RORB: variants seen among roughly 807,000 people sequenced by gnomAD.
The protein encoded by RORB is nuclear receptor ROR-beta.
In RORB, 6 loss-of-function variants were observed where a neutral mutation model predicts 59.1. That is an observed-to-expected ratio of 0.10 (90% CI 0.06 to 0.20). RORB has a LOEUF of 0.20. Among genes scored for constraint, RORB ranks in the 10% least tolerant of loss-of-function variants. The probability of loss-of-function intolerance (pLI) is 1.00; values close to 1 mark genes in which losing one functional copy is unlikely to be tolerated. For synonymous variants in RORB, 215 were observed against 204.5 expected, an observed-to-expected ratio of 1.05 and a Z score of -0.44; for missense variants, 320 against 560.5, an observed-to-expected ratio of 0.57 and a Z score of 4.33.
chr9:74,649,027 G>A lies in RORB; in HGVS notation c.637+6212G>A, dbSNP rs148422495. Among the ~76,000 whole-genome samples the A allele has an allele frequency of 6.4e-3, 966 of 150,954 alleles. 7 individuals are homozygous for A. The highest frequency in any genetic ancestry group is 0.018 in the East Asian group (94 of 5,094). ...CACCCAGGCTGGAGTGCAGTGGTGC[G>A]ATCTTGGCTCACTGCAACCTCCACC... On this transcript the variant is annotated intron_variant, in intron 4 of 9. Coordinates refer to ENST00000376896, the MANE Select transcript of RORB (RefSeq NM_006914.4).
chr9:74,630,836 G>T (rs7038043), intron 2 of RORB, among the ~76,000 whole-genome samples: 1 of 26,562 alleles, frequency 3.8e-5, no homozygotes, highest in East Asian at 5.5e-3. Context: ...GAAAAAAAAA[G>T]AAAAGAAAAG....
intron 1 of RORB, among the ~76,000 whole-genome samples, chr9:74,588,236 G>T (rs1297007752): frequency 6.6e-6 from 1 of 152,144 alleles, no homozygotes; most frequent in East Asian, 1.9e-4. Context: ...CTCTCAGTGA[G>T]ACTCAATTTC....
intron 9 of RORB, among the ~76,000 whole-genome samples, chr9:74,677,639 A>G (rs1162724273): frequency 6.6e-6 from 1 of 152,134 alleles, no homozygotes; most frequent in African/African-American, 2.4e-5. Context: ...TGCCTACTCC[A>G]CACACATTCT....
intron 4 of RORB, among the ~76,000 whole-genome samples, chr9:74,656,219 G>A (rs1323937932): frequency 1.3e-5 from 2 of 152,060 alleles, no homozygotes; most frequent in African/African-American, 2.4e-5. Context: ...AGCGTTGGTT[G>A]AGCACCTACT....
At chr9:74,590,941 G>A (rs913420604) in intron 1 of RORB, among the ~76,000 whole-genome samples, 3 of 152,116 alleles carry the variant, frequency 2.0e-5, no homozygotes, top group African/African-American at 7.2e-5. Context: ...GACTACAGGC[G>A]CATGCCACCA....
At chr9:74,573,464 T>TAA (rs5898361) in intron 1 of RORB, among the ~76,000 whole-genome samples, 36 of 131,826 alleles carry the variant, frequency 2.7e-4, no homozygotes, top group African/African-American at 7.0e-4. Context: ...CTTTTGTTAT[T>TAA]AAAAAAAAAA....
intron 1 of RORB, among the ~76,000 whole-genome samples, chr9:74,500,181 C>T (rs1825787124): frequency 6.6e-6 from 1 of 152,184 alleles, no homozygotes; most frequent in Admixed American, 6.5e-5. Flanking sequence ...AGGCAGCTCT[C>T]AGGCGGCCTT....
intron 4 of RORB, 61 bp downstream of exon 4, chr9:74,642,876 C>A: frequency 7.6e-7 from 1 of 1,322,936 alleles, no homozygotes; most frequent in South Asian, 1.5e-5. Flanking sequence ...TTACCTTGGT[C>A]CTATTTAGTA....
chr9:74,670,565 T>C (rs1014137549), intron 8 of RORB, among the ~76,000 whole-genome samples: 9 of 152,224 alleles, frequency 5.9e-5, no homozygotes, highest in African/African-American at 2.2e-4. Flanking sequence ...TGTTTTACTC[T>C]ACCTAGTGGG....
intron 1 of RORB, among the ~76,000 whole-genome samples, chr9:74,610,110 C>A (rs1823211803): frequency 6.6e-6 from 1 of 152,196 alleles, no homozygotes; most frequent in African/African-American, 2.4e-5. Flanking sequence ...TTCTCAGCTG[C>A]TTTTAATCTC....
chr9:74,592,249 G>T (rs1235993387), intron 1 of RORB, among the ~76,000 whole-genome samples: 1 of 152,124 alleles, frequency 6.6e-6, no homozygotes, highest in African/African-American at 2.4e-5. Context: ...GTAGTACCTA[G>T]AGTGGAAGGA....
At chr9:74,534,765 A>T (rs928371801) in intron 1 of RORB, among the ~76,000 whole-genome samples, 7 of 152,068 alleles carry the variant, frequency 4.6e-5, no homozygotes, top group Admixed American at 4.6e-4. Context: ...GAATATTTTG[A>T]CATAATGATC....
chr9:74,684,307 T>C (rs1587423708), intron 9 of RORB, among the ~76,000 whole-genome samples: 1 of 152,332 alleles, frequency 6.6e-6, no homozygotes, highest in African/African-American at 2.4e-5. Flanking sequence ...TGTTATTGAA[T>C]AGGGTAGGGA....
At chr9:74,543,164 T>C (rs1184223312) in intron 1 of RORB, among the ~76,000 whole-genome samples, 1 of 152,116 alleles carries the variant, frequency 6.6e-6, no homozygotes, top group Non-Finnish European at 1.5e-5. Flanking sequence ...ACTCAATCAT[T>C]CACTGGTTTT....
chr9:74,551,172 G>A (rs1467419718), intron 1 of RORB, among the ~76,000 whole-genome samples: 1 of 152,064 alleles, frequency 6.6e-6, no homozygotes, highest in Non-Finnish European at 1.5e-5. Flanking sequence ...TGTCTGAGGG[G>A]GGATATATTC....
intron 1 of RORB, among the ~76,000 whole-genome samples, chr9:74,608,611 A>G (rs1001543657): frequency 1.3e-5 from 2 of 151,550 alleles, no homozygotes; most frequent in Non-Finnish European, 2.9e-5. Context: ...CTATTCTGTT[A>G]TCTGTGTTAT....
At chr9:74,607,737 C>G (rs1823170581) in intron 1 of RORB, among the ~76,000 whole-genome samples, 1 of 152,188 alleles carries the variant, frequency 6.6e-6, no homozygotes, top group Admixed American at 6.5e-5. Flanking sequence ...GGACAAATTA[C>G]TGACTAGAGC....
chr9:74,636,056 A>ATT (rs11461472), intron 3 of RORB, among the ~76,000 whole-genome samples: 26 of 150,498 alleles, frequency 1.7e-4, no homozygotes, highest in South Asian at 6.3e-4. Flanking sequence ...CTATTAACTG[A>ATT]TTTTTTTTTG....
intron 1 of RORB, among the ~76,000 whole-genome samples, chr9:74,506,714 C>G (rs977242271): frequency 6.6e-6 from 1 of 152,076 alleles, no homozygotes; most frequent in Non-Finnish European, 1.5e-5. Context: ...CACTCTTGGC[C>G]ATAACCCTCT....
Sources: gnomAD v4.1 joint callset for allele counts (sites outside exome capture counted in the v4.1 genomes callset) on GRCh38, gnomAD v4.1.1 for gene constraint, MANE v1.5 for transcripts, NCBI Gene and HGNC (gene_info 2026-07-23, HGNC 2026-07-21) for gene names.